Variants in LRRC4C observed in about 807,000 individuals in gnomAD.
The protein encoded by LRRC4C is leucine-rich repeat-containing protein 4C.
LRRC4C carries 5 observed loss-of-function variants against 33.6 expected under a neutral mutation model. The observed-to-expected ratio is 0.15, with a 90% CI of 0.08 to 0.31. The LOEUF (loss-of-function observed/expected upper bound fraction) is 0.31. Among genes scored for constraint, LRRC4C ranks in the 10% least tolerant of loss-of-function variants. LRRC4C has a pLI of 1.00. For synonymous variants in LRRC4C, 329 were observed against 302.0 expected (o/e 1.09, Z -0.93); for missense variants, 560 against 796.7 (o/e 0.70, Z 3.58).
chr11:40,894,956 C>A (rs981229364), intron 2 of LRRC4C, among the ~76,000 whole-genome samples: 4 of 152,092 alleles, frequency 2.6e-5, no homozygotes, highest in Non-Finnish European at 4.4e-5. Context: ...ATCTTTTCAT[C>A]TTAGCCCCTC....
At chr11:41,287,989 G>T (rs542961023) in intron 1 of LRRC4C, among the ~76,000 whole-genome samples, 1 of 152,310 alleles carries the variant, frequency 6.6e-6, no homozygotes, top group African/African-American at 2.4e-5. Flanking sequence ...TGCACCAGAT[G>T]TGGGAGGTTC....
At chr11:40,349,974 A>G (rs1473388379) in intron 3 of LRRC4C, among the ~76,000 whole-genome samples, 1 of 152,010 alleles carries the variant, frequency 6.6e-6, no homozygotes, top group Non-Finnish European at 1.5e-5. Context: ...TGACCTCCTT[A>G]TATATTCTGG....
intron 1 of LRRC4C, among the ~76,000 whole-genome samples, chr11:41,388,031 T>C (rs970068234): frequency 6.6e-6 from 1 of 151,920 alleles, no homozygotes; most frequent in African/African-American, 2.4e-5. Context: ...TCAAAAGATA[T>C]CAGGTTAAGG....
chr11:40,950,093 T>TA (rs1958623868), intron 1 of LRRC4C, among the ~76,000 whole-genome samples: 1 of 151,890 alleles, frequency 6.6e-6, no homozygotes, highest in Admixed American at 6.6e-5. Context: ...GGTAGAGAAA[T>TA]AAAAACATCT....
At chr11:41,075,014 C>G in intron 1 of LRRC4C, among the ~76,000 whole-genome samples, 1 of 101,022 alleles carries the variant, frequency 9.9e-6, no homozygotes, top group Non-Finnish European at 2.3e-5. Flanking sequence ...CTTCAATTTT[C>G]TTTTTTTTTT....
At chr11:40,489,426 C>T (rs79998479) in intron 3 of LRRC4C, among the ~76,000 whole-genome samples, 13,081 of 152,106 alleles carry the variant, frequency 0.086, 645 homozygotes, top group East Asian at 0.1. Context: ...CACGCATACT[C>T]ACAACTCTCT....
intron 4 of LRRC4C, among the ~76,000 whole-genome samples, chr11:40,244,177 G>A (rs1414143444): frequency 2.6e-5 from 4 of 152,072 alleles, no homozygotes; most frequent in African/African-American, 4.8e-5. Flanking sequence ...TAAGTGCTGA[G>A]TATAATACAG....
At position 41,089,358 on chromosome 11, in the gene LRRC4C, C is replaced by T. The variant is rs1474408168; in HGVS notation, c.-495-155635G>A. ...GCAAGCAGAATAGCTCTTAAAGGTG[C>T]CAATTATTGTCATGGCACCAATGAT... On this transcript the variant is annotated intron_variant, in intron 1 of 6. Transcript: ENST00000528697. 2.6e-5 allele frequency among the ~76,000 whole-genome samples: 4 copies of T among 151,846 alleles called. No homozygotes were observed. In the East Asian group the frequency reaches 7.7e-4, roughly 29 times the overall value.
intron 2 of LRRC4C, among the ~76,000 whole-genome samples, chr11:40,792,086 C>T (rs1009158007): frequency 6.6e-6 from 1 of 151,968 alleles, no homozygotes; most frequent in Non-Finnish European, 1.5e-5. Context: ...CATCAAGAAC[C>T]AGCAAATCAA....
intron 1 of LRRC4C, among the ~76,000 whole-genome samples, chr11:41,208,705 G>A (rs1946698129): frequency 6.6e-6 from 1 of 152,212 alleles, no homozygotes; most frequent in Non-Finnish European, 1.5e-5. Flanking sequence ...GAAAATAGAA[G>A]AATGGTCCCA....
chr11:40,120,227 A>C (rs574067889), intron 6 of LRRC4C, among the ~76,000 whole-genome samples: 1 of 152,230 alleles, frequency 6.6e-6, no homozygotes, highest in African/African-American at 2.4e-5. Flanking sequence ...TTACTAAACA[A>C]AAAGGCCTGG....
At chr11:41,403,802 T>C (rs1469467728) in intron 1 of LRRC4C, among the ~76,000 whole-genome samples, 1 of 152,086 alleles carries the variant, frequency 6.6e-6, no homozygotes, top group Non-Finnish European at 1.5e-5. Context: ...TTGATTACAT[T>C]TTTACCCTCT....
At chr11:41,085,950 A>T (rs1185483998) in intron 1 of LRRC4C, among the ~76,000 whole-genome samples, 1 of 149,822 alleles carries the variant, frequency 6.7e-6, no homozygotes, top group Non-Finnish European at 1.5e-5. Context: ...AAAAAAAAAA[A>T]AAGAAAGAAA....
At chr11:40,599,029 C>G (rs1959683424) in intron 3 of LRRC4C, among the ~76,000 whole-genome samples, 1 of 152,176 alleles carries the variant, frequency 6.6e-6, no homozygotes, top group Non-Finnish European at 1.5e-5. Flanking sequence ...AATGACTGCA[C>G]TCATTCTTCT....
intron 2 of LRRC4C, among the ~76,000 whole-genome samples, chr11:40,835,699 T>G (rs1952639860): frequency 6.6e-6 from 1 of 152,144 alleles, no homozygotes; most frequent in African/African-American, 2.4e-5. Flanking sequence ...AAGAAAGACA[T>G]AAGCCCATTG....
chr11:40,447,261 A>T (rs1406767388), intron 3 of LRRC4C: 2 of 153,042 alleles, frequency 1.3e-5, no homozygotes. Context: ...TAGCTCTTGA[A>T]AGACTGTACT....
At chr11:40,747,869 A>G (rs1948501048) in intron 2 of LRRC4C, among the ~76,000 whole-genome samples, 1 of 152,162 alleles carries the variant, frequency 6.6e-6, no homozygotes, top group Admixed American at 6.5e-5. Context: ...TTGGACAAAA[A>G]GAAAAAAAGA....
At chr11:41,303,245 G>A (rs957991384) in intron 1 of LRRC4C, among the ~76,000 whole-genome samples, 6 of 148,308 alleles carry the variant, frequency 4.0e-5, no homozygotes, top group Admixed American at 2.0e-4. Flanking sequence ...TTGCAGGCAC[G>A]CGCCGCCACG....
rs571942962 is a variant in LRRC4C, at chr11:41,372,073, A to G, written c.-496+87358T>C. Among the ~76,000 whole-genome samples the G allele has an allele frequency of 2.0e-3, 309 of 152,262 alleles. 1 individual carries two copies. Among genetic ancestry groups the G allele is most frequent in the African/African-American group, 7.3e-3 (302 of 41,556 alleles). ...AATGGCGTGAACCCCGGAGGCAGAA[A>G]TTGCAGTGAGCCAAGATCGTGCCAC... On this transcript the variant is annotated intron_variant, in intron 1 of 6. Coordinates refer to ENST00000528697, the MANE Select transcript of LRRC4C (RefSeq NM_001258419.2).
Sources: gnomAD v4.1 joint callset for allele counts (sites outside exome capture counted in the v4.1 genomes callset) on GRCh38, gnomAD v4.1.1 for gene constraint, MANE v1.5 for transcripts, NCBI Gene and HGNC (gene_info 2026-07-23, HGNC 2026-07-21) for gene names.